The following SEMA5A variants were observed in gnomAD, a reference collection of about 807,000 sequenced individuals.
SEMA5A encodes semaphorin 5A, also known as semaphorin-5A.
Under a neutral mutation model 135.5 loss-of-function variants are expected in SEMA5A, and 55 were observed. The observed-to-expected ratio is 0.41, with a 90% CI of 0.33 to 0.51. SEMA5A has a LOEUF of 0.51. Ranked by LOEUF, SEMA5A falls within the 20% of genes least tolerant of loss-of-function variation. The probability of loss-of-function intolerance (pLI) is 0.37; values close to 1 mark genes in which losing one functional copy is unlikely to be tolerated. For missense variants in SEMA5A, 1,290 were observed against 1,419.9 expected (o/e 0.91, Z 1.47); for synonymous variants, 580 against 546.5 (o/e 1.06, Z -0.85).
chr5:9,287,587 A>G (rs1361796411), intron 5 of SEMA5A, among the ~76,000 whole-genome samples: 2 of 152,220 alleles, frequency 1.3e-5, no homozygotes, highest in African/African-American at 4.8e-5. Flanking sequence ...TCAATTTTCT[A>G]ATGTTATGTT....
At chr5:9,386,893 C>T (rs1755916987) in intron 2 of SEMA5A, among the ~76,000 whole-genome samples, 1 of 152,192 alleles carries the variant, frequency 6.6e-6, no homozygotes, top group African/African-American at 2.4e-5. Flanking sequence ...CCATCCCCTG[C>T]CACTGAGTGA....
chr5:9,146,836 G>A (rs1374406355), intron 12 of SEMA5A, among the ~76,000 whole-genome samples: 1 of 152,096 alleles, frequency 6.6e-6, no homozygotes, highest in Non-Finnish European at 1.5e-5. Flanking sequence ...TTCTCTAGAG[G>A]TTAAACCAAA....
At chr5:9,234,624 G>T (rs1805957) in intron 6 of SEMA5A, among the ~76,000 whole-genome samples, 118,239 of 152,120 alleles carry the variant, frequency 0.78, 46,727 homozygotes, top group Non-Finnish European at 0.87. Context: ...CAACCTAAAA[G>T]AACGTGTGAT....
intron 3 of SEMA5A, among the ~76,000 whole-genome samples, chr5:9,352,210 C>A (rs1754154482): frequency 6.6e-6 from 1 of 152,076 alleles, no homozygotes; most frequent in Non-Finnish European, 1.5e-5. Flanking sequence ...AAGCAGCATG[C>A]AGTCCTACAT....
At chr5:9,105,985 T>C (rs7711664) in intron 16 of SEMA5A, among the ~76,000 whole-genome samples, 17,639 of 152,194 alleles carry the variant, frequency 0.12, 1,582 homozygotes, top group East Asian at 0.32. Context: ...CTTTCTACTG[T>C]TTGCATTCCT....
chr5:9,078,618 CAT>C (rs1443564574), intron 16 of SEMA5A, among the ~76,000 whole-genome samples: 2 of 150,888 alleles, frequency 1.3e-5, no homozygotes, highest in African/African-American at 4.9e-5. Flanking sequence ...CACAGTCATA[CAT>C]ATGCAACAAT....
At chr5:9,452,845 A>C (rs1758696539) in intron 1 of SEMA5A, among the ~76,000 whole-genome samples, 1 of 152,116 alleles carries the variant, frequency 6.6e-6, no homozygotes, top group Non-Finnish European at 1.5e-5. Context: ...TAATGCCATC[A>C]GGAGGGCAGG....
At chr5:9,391,929 G>C (rs1456029044) in intron 2 of SEMA5A, among the ~76,000 whole-genome samples, 1 of 152,038 alleles carries the variant, frequency 6.6e-6, no homozygotes, top group East Asian at 1.9e-4. Flanking sequence ...ATTTCTACAT[G>C]ATCTCCAGCC....
intron 1 of SEMA5A, among the ~76,000 whole-genome samples, chr5:9,499,013 G>T (rs953915482): frequency 6.6e-6 from 1 of 152,204 alleles, no homozygotes; most frequent in Non-Finnish European, 1.5e-5. Context: ...TGACAATGCC[G>T]CAACTATGTG....
At chr5:9,432,233 G>A (rs1757882846) in intron 2 of SEMA5A, among the ~76,000 whole-genome samples, 1 of 152,178 alleles carries the variant, frequency 6.6e-6, no homozygotes, top group Non-Finnish European at 1.5e-5. Flanking sequence ...TACACAATCG[G>A]ATGGGACTCA....
chr5:9,168,146 T>C lies in SEMA5A; in HGVS notation c.1274-13451A>G, dbSNP rs183990845. On this transcript the variant is annotated intron_variant, in intron 11 of 22. Coordinates refer to ENST00000382496, the MANE Select transcript of SEMA5A (RefSeq NM_003966.3). ...TGGGGTGGGGATCTGAAAAGGAAGG[T>C]GTGACAGGAGGAGAGCCGTAAGTAC... 2.5e-3 allele frequency among the ~76,000 whole-genome samples: 384 copies of C among 152,006 alleles called. 2 individuals are homozygous for C. Among genetic ancestry groups the C allele is most frequent in the Middle Eastern group, 0.017 (5 of 294 alleles).
chr5:9,275,525 T>TA (rs894155584), intron 5 of SEMA5A, among the ~76,000 whole-genome samples: 10 of 149,514 alleles, frequency 6.7e-5, no homozygotes, highest in East Asian at 2.0e-4. Flanking sequence ...AGAGACACAA[T>TA]AAAAAAAAAG....
intron 3 of SEMA5A, among the ~76,000 whole-genome samples, chr5:9,368,041 T>C (rs376321209): frequency 6.6e-6 from 1 of 152,218 alleles, no homozygotes; most frequent in East Asian, 1.9e-4. Flanking sequence ...ATAAACCTCT[T>C]GTCTTTATAA....
At chr5:9,125,548 A>AT (rs1196732665) in intron 13 of SEMA5A, among the ~76,000 whole-genome samples, 1 of 151,868 alleles carries the variant, frequency 6.6e-6, no homozygotes, top group Non-Finnish European at 1.5e-5. Flanking sequence ...CCCTGTGCCC[A>AT]TGTGTTCTCA....
intron 2 of SEMA5A, among the ~76,000 whole-genome samples, chr5:9,412,283 T>A (rs1757127074): frequency 6.6e-6 from 1 of 151,756 alleles, no homozygotes; most frequent in African/African-American, 2.4e-5. Flanking sequence ...CTTCTGCTTG[T>A]CCTAATTAAG....
rs145289823 is a variant in SEMA5A at position 9,108,223 on chromosome 5, G to A, written c.1990C>T (p.Arg664Trp). The A allele has an allele frequency of 4.8e-5, 77 of 1,614,012 alleles. No individual in the cohort carries two copies. The African/African-American group carries it at 5.2e-4, about 11-fold the overall frequency. ...CCACCCCCGCATTGGGCTGTGCACCGTTCCCAAGGACCCCAGCCTGTCCAG... is the reference window on the plus strand; with the variant it reads ...CCACCCCCGCATTGGGCTGTGCACCATTCCCAAGGACCCCAGCCTGTCCAG... ...MFWTGWGPWE[R>W]CTAQCGGGIQ... The change falls in exon 16 of 23, where the codon CGG becomes TGG. Residue 664 changes from arginine to tryptophan, a missense_variant. Around this residue, in one of 3 missense-constraint regions of SEMA5A, gnomAD observed 1,029 missense variants for 1,086.6 expected, o/e 0.95. Transcript: ENST00000382496.
chr5:9,426,499 A>G (rs1757668515), intron 2 of SEMA5A, among the ~76,000 whole-genome samples: 1 of 144,708 alleles, frequency 6.9e-6, no homozygotes, highest in Non-Finnish European at 1.5e-5. Flanking sequence ...TCATTGCTAC[A>G]TTACAAGGAA....
At chr5:9,119,709 T>C (rs1740707625) in intron 14 of SEMA5A, among the ~76,000 whole-genome samples, 1 of 152,084 alleles carries the variant, frequency 6.6e-6, no homozygotes, top group Non-Finnish European at 1.5e-5. Flanking sequence ...AAAACGAAAA[T>C]GTTGTATTGT....
chr5:9,346,262 G>A (rs1180001133), intron 3 of SEMA5A, among the ~76,000 whole-genome samples: 1 of 151,990 alleles, frequency 6.6e-6, no homozygotes, highest in Non-Finnish European at 1.5e-5. Flanking sequence ...GGACTCCAGG[G>A]GAAGATAACC....
Sources: allele counts gnomAD v4.1 joint callset (sites outside exome capture counted in the v4.1 genomes callset), GRCh38; gene constraint gnomAD v4.1.1; regional missense constraint gnomAD v4.1.1; transcripts MANE v1.5; gene names NCBI Gene and HGNC (gene_info 2026-07-23, HGNC 2026-07-21).